Variants in SNAPC5 observed in about 807,000 individuals in gnomAD.
SNAPC5 encodes the protein snRNA-activating protein complex subunit 5.
SNAPC5 carries 12 observed loss-of-function variants against 9.1 expected under a neutral mutation model. That is an observed-to-expected ratio of 1.32 (90% confidence interval 0.85 to 2.15). The LOEUF (loss-of-function observed/expected upper bound fraction) is 2.15. Among genes scored for constraint, SNAPC5 ranks in the 30% most tolerant of loss-of-function variants. The probability of loss-of-function intolerance (pLI) is 0.00; values close to 1 mark genes in which losing one functional copy is unlikely to be tolerated. For missense variants in SNAPC5, 132 were observed against 114.4 expected (o/e 1.15, Z -0.70); for synonymous variants, 52 against 47.3 (o/e 1.10, Z -0.41).
At chr15:66,495,504 AT>A (rs1893397723) in intron 1 of SNAPC5, 85 bp from the exon 2 acceptor site, 1 of 777,482 alleles carries the variant, frequency 1.3e-6, no homozygotes, top group Non-Finnish European at 2.3e-6. Flanking sequence ...ACTATGAAAC[AT>A]TTGCATCAAG....
downstream of SNAPC5, chr15:66,491,019 TTCTC>T (rs1414390821): frequency 2.4e-6 from 1 of 422,674 alleles, no homozygotes; most frequent in Admixed American, 4.0e-5. Context: ...TGGGCATACT[TTCTC>T]TCTAGGAGGG....
At chr15:66,497,589 A>G in intron 1 of SNAPC5, 53 bp downstream of exon 1, 1 of 1,523,344 alleles carries the variant, frequency 6.6e-7, no homozygotes, top group Non-Finnish European at 9.1e-7. Context: ...GGTTGGGGGG[A>G]AATGGTCGCT....
At chr15:66,492,212 A>G (rs1934256024), downstream of SNAPC5, 1 of 347,044 alleles carries the variant, frequency 2.9e-6, no homozygotes, top group Non-Finnish European at 5.7e-6. Flanking sequence ...CTGCTGGTCA[A>G]TACCTCTCCG....
chr15:66,497,543 G>C lies in SNAPC5; in HGVS notation c.90+99C>G, dbSNP rs376677944. Reference sequence around the variant, plus strand: ...GCCACCACAGCTAGTGAGTAGCGGAGAACTGGCCGCAGCAGGTGGTCACCA... The same window carrying C: ...GCCACCACAGCTAGTGAGTAGCGGACAACTGGCCGCAGCAGGTGGTCACCA... On this transcript the variant is annotated intron_variant, in intron 1 of 2. Coordinates refer to ENST00000316634, the MANE Select transcript of SNAPC5 (RefSeq NM_001329615.2). 2.6e-5 allele frequency: 27 copies of C among 1,023,810 alleles called. No homozygotes were observed. The East Asian group carries it at 6.2e-4, about 23-fold the overall frequency. The allele number at this position is 1,023,810 out of a possible 1,614,324, so 63.4% of individuals were successfully genotyped here.
downstream of SNAPC5, among the ~76,000 whole-genome samples, chr15:66,492,681 GTGT>G (rs576701850): frequency 3.9e-5 from 6 of 152,046 alleles, no homozygotes; most frequent in Admixed American, 6.6e-5. Flanking sequence ...CTTTTGAGGG[GTGT>G]TTAGATTTTT....
At chr15:66,497,580 G>C (rs1179135512) in intron 1 of SNAPC5, 62 bp downstream of exon 1, 1 of 1,481,106 alleles carries the variant, frequency 6.8e-7, no homozygotes, top group Non-Finnish European at 9.4e-7. Context: ...AGAGGCCCAG[G>C]TTGGGGGGAA....
Position 66,494,063 on chromosome 15 carries a change from A to C in SNAPC5, c.*373T>G, listed in dbSNP as rs763067295. On this transcript the variant is annotated 3_prime_UTR_variant, in exon 3 of 3. Transcript: ENST00000316634. The stretch of plus-strand genomic sequence containing the variant: ...AAACAGTCTTTAATTGGTTTTCTTC[A>C]AAGAGGCATTGTTGACTGGAAAGAC... 5.0e-6 allele frequency: 1 copy of C among 200,604 alleles called. No individual in the cohort carries two copies. Among genetic ancestry groups the C allele is most frequent in the Non-Finnish European group, 1.0e-5 (1 of 97,832 alleles). The allele number at this position is 200,604 out of a possible 1,614,324, so 12.4% of individuals were successfully genotyped here.
At chr15:66,490,454 T>G (rs751245983), downstream of SNAPC5, 6 of 1,414,932 alleles carry the variant, frequency 4.2e-6, no homozygotes, top group Middle Eastern at 1.8e-4. Flanking sequence ...TGGGTTTTGT[T>G]TTTTTGTTTC....
At chr15:66,497,557 A>G (rs778864874) in intron 1 of SNAPC5, 85 bp downstream of exon 1, 4 of 1,163,802 alleles carry the variant, frequency 3.4e-6, no homozygotes, top group Non-Finnish European at 5.2e-6. Flanking sequence ...TGGCCGCAGC[A>G]GGTGGTCACC....
At chr15:66,492,163 C>T, downstream of SNAPC5, 1 of 422,898 alleles carries the variant, frequency 2.4e-6, no homozygotes, top group Non-Finnish European at 4.8e-6. Flanking sequence ...GCAGTGATGT[C>T]ACAAAGCCAT....
downstream of SNAPC5, chr15:66,490,016 G>T: frequency 1.7e-6 from 1 of 590,352 alleles, no homozygotes; most frequent in South Asian, 2.0e-5. Flanking sequence ...GAAAGAAAAG[G>T]CCAGCCCACC....
At chr15:66,491,826 C>G (rs1351086466), downstream of SNAPC5, 3 of 401,008 alleles carry the variant, frequency 7.5e-6, no homozygotes, top group Non-Finnish European at 1.5e-5. Context: ...CTCTTTTATA[C>G]AAGGGAAAAG....
At chr15:66,490,368 C>A, downstream of SNAPC5, 1 of 766,092 alleles carries the variant, frequency 1.3e-6, no homozygotes, top group East Asian at 2.5e-5. Flanking sequence ...CACTGTTGCT[C>A]AGGGGCAGGT....
downstream of SNAPC5, chr15:66,490,901 T>C: frequency 2.0e-6 from 1 of 504,438 alleles, no homozygotes; most frequent in South Asian, 2.0e-5. Flanking sequence ...GAAATTTTGG[T>C]GAATGTGGGT....
At chr15:66,492,031 GAC>G (rs758148154), downstream of SNAPC5, 6 of 456,650 alleles carry the variant, frequency 1.3e-5, no homozygotes, top group South Asian at 3.1e-5. Flanking sequence ...CACAACATAG[GAC>G]AGTCTGTCTC....
intron 2 of SNAPC5, chr15:66,494,868 C>T (rs952575505): frequency 2.1e-4 from 70 of 333,098 alleles, no homozygotes; most frequent in African/African-American, 3.4e-4. Flanking sequence ...GGGAGAACTG[C>T]TCAAATATTG....
chr15:66,491,153 TCAG>T (rs1732608648), downstream of SNAPC5: 1 of 283,916 alleles, frequency 3.5e-6, no homozygotes, highest in African/African-American at 2.2e-5. Context: ...CATGTAGAAC[TCAG>T]CAGTTGACAT....
At chr15:66,494,828 T>C (rs1893373250) in intron 2 of SNAPC5, 1 of 382,246 alleles carries the variant, frequency 2.6e-6, no homozygotes, top group Admixed American at 4.3e-5. Flanking sequence ...TGCTGTATCA[T>C]GGTTTTAAAT....
chr15:66,490,025 C>T (rs1303875777), downstream of SNAPC5: 2 of 584,358 alleles, frequency 3.4e-6, no homozygotes, highest in Non-Finnish European at 6.1e-6. Context: ...GGCCAGCCCA[C>T]CCCCTTCATG....
Sources: allele counts gnomAD v4.1 joint callset (sites outside exome capture counted in the v4.1 genomes callset), GRCh38; gene constraint gnomAD v4.1.1; transcripts MANE v1.5; gene names NCBI Gene and HGNC (gene_info 2026-07-23, HGNC 2026-07-21).